The following ELAVL2 variants were observed in gnomAD, a reference collection of about 807,000 sequenced individuals.
The protein encoded by ELAVL2 is ELAV like RNA binding protein 2, also known as ELAV-like protein 2.
In ELAVL2, 4 loss-of-function variants were observed where a neutral mutation model predicts 34.6. That is an observed-to-expected ratio of 0.12 (90% CI 0.06 to 0.26). The LOEUF is 0.26. ELAVL2 is among the 10% of genes least tolerant of loss of function. The pLI is 1.00. For synonymous variants in ELAVL2, 193 were observed against 154.8 expected (o/e 1.25, Z -1.83); for missense variants, 432 against 442.8 (o/e 0.98, Z 0.22).
chr9:23,731,325 A>G (rs1249798262), intron 2 of ELAVL2, among the ~76,000 whole-genome samples, 200 bp from the exon 3 acceptor site: 2 of 148,854 alleles, frequency 1.3e-5, no homozygotes, highest in African/African-American at 4.9e-5. Context: ...GAACTCAGCA[A>G]GCAGTGCTGT....
intron 2 of ELAVL2, among the ~76,000 whole-genome samples, chr9:23,731,365 G>A (rs2046501536): frequency 6.6e-6 from 1 of 151,730 alleles, no homozygotes; most frequent in Non-Finnish European, 1.5e-5. Flanking sequence ...CATCCCCAAA[G>A]GATTCCACCA....
chr9:23,708,039 T>G (rs757919522), intron 3 of ELAVL2, among the ~76,000 whole-genome samples: 10 of 145,680 alleles, frequency 6.9e-5, no homozygotes, highest in African/African-American at 1.0e-4. Flanking sequence ...CCTAGGTCAG[T>G]TATGTGATTT....
At chr9:23,818,214 G>C (rs1316111107) in intron 1 of ELAVL2, among the ~76,000 whole-genome samples, 2 of 152,128 alleles carry the variant, frequency 1.3e-5, no homozygotes, top group Admixed American at 6.5e-5. Flanking sequence ...GTCAGGTGTG[G>C]CATCACTAGA....
chr9:23,822,387 T>G (rs2064928000), intron 1 of ELAVL2, among the ~76,000 whole-genome samples: 1 of 151,954 alleles, frequency 6.6e-6, no homozygotes, highest in African/African-American at 2.4e-5. Flanking sequence ...GTACTCTGCT[T>G]CAAACGCAAA....
At chr9:23,825,482 C>T (rs1489355169) in intron 1 of ELAVL2, among the ~76,000 whole-genome samples, 1 of 152,156 alleles carries the variant, frequency 6.6e-6, no homozygotes, top group Non-Finnish European at 1.5e-5. Flanking sequence ...CCCAAGTTAT[C>T]ACTCTCTCCC....
Position 23,767,703 on chromosome 9 carries a change from G to C in ELAVL2, c.-15-5454C>G, listed in dbSNP as rs1477774718. On this transcript the variant is annotated intron_variant, in intron 1 of 6. Coordinates refer to ENST00000397312, the MANE Select transcript of ELAVL2 (RefSeq NM_004432.5). Reference sequence around the variant, plus strand: ...CAGGAGAATGGCTTGAACCCAGGAGGGGGAGGTTGCAGTCAGCAGAGATCA... The same window carrying C: ...CAGGAGAATGGCTTGAACCCAGGAGCGGGAGGTTGCAGTCAGCAGAGATCA... Among the ~76,000 whole-genome samples, 3 of 152,124 alleles carry C rather than the reference G, an allele frequency of 2.0e-5. No homozygotes were observed. The South Asian group carries it at 6.2e-4, about 31-fold the overall frequency.
the ELAVL2 span, among the ~76,000 whole-genome samples, chr9:23,846,178 T>C: frequency 2.0e-5 from 3 of 151,906 alleles, no homozygotes; most frequent in South Asian, 6.2e-4. Flanking sequence ...TCATCTTTAA[T>C]ACTTCAAAAG....
the ELAVL2 span, among the ~76,000 whole-genome samples, chr9:23,834,843 C>G: frequency 6.6e-6 from 1 of 151,978 alleles, no homozygotes; most frequent in Admixed American, 6.6e-5. Context: ...AGTTGTGGGT[C>G]TTCAAAATGG....
Position 23,701,382 on chromosome 9 carries a change from A to G in ELAVL2, c.710T>C (p.Phe237Ser). 6.2e-6 allele frequency: 10 copies of G among 1,614,002 alleles called. No homozygotes were observed. The highest frequency in any genetic ancestry group is 8.5e-6 in the Non-Finnish European group (10 of 1,179,898). Residue 237 changes from phenylalanine (F) to serine (S), a missense_variant, in exon 5 of 7, where the codon TTT becomes TCT. This residue lies in a region of ELAVL2 where 295 missense variants were observed against 306.1 expected (regional missense o/e 0.96). Transcript: ENST00000397312. ...PGPLAQQAQR[F>S]RLDNLLNMAY... ...ACAAGAACCAAACCAGACTTACCTA[A>G]AACGCTGTGCCTGCTGAGCTAGCGG...
intron 2 of ELAVL2, among the ~76,000 whole-genome samples, chr9:23,759,738 T>C (rs1160888324): frequency 8.2e-6 from 1 of 121,394 alleles, no homozygotes; most frequent in East Asian, 2.4e-4. Context: ...TATATGTGTA[T>C]ACATCATATA....
intron 3 of ELAVL2, among the ~76,000 whole-genome samples, chr9:23,719,806 T>TTA (rs1439004403): frequency 6.7e-6 from 1 of 150,260 alleles, no homozygotes; most frequent in Non-Finnish European, 1.5e-5. Flanking sequence ...CAAATTTTTA[T>TTA]TAAATTTTAA....
chr9:23,721,209 A>T (rs558036627), intron 3 of ELAVL2, among the ~76,000 whole-genome samples: 1 of 152,340 alleles, frequency 6.6e-6, no homozygotes, highest in South Asian at 2.1e-4. Context: ...CATGAAACTC[A>T]TCCAAAGATA....
chr9:23,773,002 C>T (rs1341944820), intron 1 of ELAVL2, among the ~76,000 whole-genome samples: 1 of 152,064 alleles, frequency 6.6e-6, no homozygotes, highest in Non-Finnish European at 1.5e-5. Flanking sequence ...ACAAAACACA[C>T]CTAGGTACAT....
At chr9:23,824,168 C>T (rs879757692) in intron 1 of ELAVL2, among the ~76,000 whole-genome samples, 2 of 152,184 alleles carry the variant, frequency 1.3e-5, no homozygotes, top group Non-Finnish European at 2.9e-5. Flanking sequence ...AGAAAATACC[C>T]AGTCTCGCCA....
At chr9:23,835,895 G>T in the ELAVL2 span, among the ~76,000 whole-genome samples, 4 of 152,174 alleles carry the variant, frequency 2.6e-5, no homozygotes, top group Non-Finnish European at 4.4e-5. Flanking sequence ...ATAGGCGTCT[G>T]TCTGCATCTT....
chr9:23,841,174 C>T, the ELAVL2 span, among the ~76,000 whole-genome samples: 4 of 151,974 alleles, frequency 2.6e-5, no homozygotes, highest in Non-Finnish European at 5.9e-5. Context: ...GAGGTGGCAG[C>T]GTAAGCCTAG....
the ELAVL2 span, among the ~76,000 whole-genome samples, chr9:23,840,062 A>G: frequency 6.6e-6 from 1 of 152,164 alleles, no homozygotes; most frequent in Non-Finnish European, 1.5e-5. Context: ...CGCAGACCTG[A>G]ATTCTGGTTC....
At chr9:23,844,921 T>C in the ELAVL2 span, among the ~76,000 whole-genome samples, 1 of 151,988 alleles carries the variant, frequency 6.6e-6, no homozygotes, top group Non-Finnish European at 1.5e-5. Flanking sequence ...CTTGAAGGAT[T>C]CCAGGACCTA....
chr9:23,696,616 C>T (rs1012381850), intron 5 of ELAVL2, among the ~76,000 whole-genome samples: 1 of 151,888 alleles, frequency 6.6e-6, no homozygotes, highest in Admixed American at 6.6e-5. Flanking sequence ...CTACAGGCAC[C>T]CAACCACCAC....
Sources: gnomAD v4.1 joint callset for allele counts (sites outside exome capture counted in the v4.1 genomes callset) on GRCh38, gnomAD v4.1.1 for gene constraint, gnomAD v4.1.1 regional missense constraint, MANE v1.5 for transcripts, NCBI Gene and HGNC (gene_info 2026-07-23, HGNC 2026-07-21) for gene names.